Variants in MAST3 observed in about 807,000 individuals in gnomAD.
The protein encoded by MAST3 is microtubule associated serine/threonine kinase 3.
Under a neutral mutation model 127.0 loss-of-function variants are expected in MAST3, and 43 were observed. That is an observed-to-expected ratio of 0.34 (90% CI 0.27 to 0.44). The LOEUF (loss-of-function observed/expected upper bound fraction) is 0.44. MAST3 is among the 20% of genes least tolerant of loss of function. The probability of loss-of-function intolerance (pLI) is 1.00; values close to 1 mark genes in which losing one functional copy is unlikely to be tolerated. For synonymous variants in MAST3, 785 were observed against 809.2 expected (o/e 0.97, Z 0.51); for missense variants, 1,390 against 1,919.1 (o/e 0.72, Z 5.15).
intron 1 of MAST3, among the ~76,000 whole-genome samples, chr19:18,102,613 C>A (rs1169907135): frequency 3.3e-5 from 5 of 151,906 alleles, no homozygotes; most frequent in African/African-American, 2.4e-5. Context: ...TACCGAGTAG[C>A]TGGGACTACA....
At chr19:18,109,272 A>G (rs1334172638) in intron 2 of MAST3, among the ~76,000 whole-genome samples, 2 of 152,054 alleles carry the variant, frequency 1.3e-5, no homozygotes. Context: ...CCCCAATCCC[A>G]GGCCATCTGC....
At chr19:18,106,220 TG>T (rs1413149464) in intron 1 of MAST3, among the ~76,000 whole-genome samples, 1 of 152,080 alleles carries the variant, frequency 6.6e-6, no homozygotes. Context: ...CCTGAGTAGC[TG>T]GGATTGCAGG....
intron 11 of MAST3, among the ~76,000 whole-genome samples, chr19:18,125,782 T>G (rs939498348): frequency 6.6e-6 from 1 of 151,338 alleles, no homozygotes; most frequent in Non-Finnish European, 1.5e-5. Flanking sequence ...CCAGGTGCAG[T>G]GGCTCACGCC....
At chr19:18,124,615 G>C in intron 10 of MAST3, 27 bp from the exon 11 acceptor site, 1 of 1,542,082 alleles carries the variant, frequency 6.5e-7, no homozygotes, top group Middle Eastern at 1.7e-4. Flanking sequence ...ACCAAGCCCT[G>C]GGTGACCAGC....
intron 3 of MAST3, chr19:18,118,033 C>G (rs935667634): frequency 1.2e-6 from 1 of 859,698 alleles, no homozygotes. Flanking sequence ...GCTTCCTTCT[C>G]GCCGCCCCCC....
At chr19:18,135,055 A>G (rs2041748621) in intron 17 of MAST3, 73 bp downstream of exon 17, 1 of 1,500,610 alleles carries the variant, frequency 6.7e-7, no homozygotes, top group Non-Finnish European at 9.0e-7. Flanking sequence ...CTCCACCCGC[A>G]TGTCAGGGAG....
chr19:18,124,504 T>C, intron 10 of MAST3, 138 bp downstream of exon 10: 2 of 1,347,504 alleles, frequency 1.5e-6, no homozygotes, highest in Non-Finnish European at 2.0e-6. Flanking sequence ...TGGGCTAGCG[T>C]GGGCTTCCCT....
At chr19:18,130,728 T>A in intron 14 of MAST3, 26 bp downstream of exon 14, 1 of 1,604,538 alleles carries the variant, frequency 6.2e-7, no homozygotes, top group Non-Finnish European at 8.5e-7. Flanking sequence ...CTTGCATGCC[T>A]CCAGCGATGG....
At chr19:18,139,751 G>A (rs1230179946) in intron 20 of MAST3, among the ~76,000 whole-genome samples, 2 of 151,992 alleles carry the variant, frequency 1.3e-5, no homozygotes, top group East Asian at 1.9e-4. Flanking sequence ...ATGAGCCATC[G>A]CACCCGGCCT....
At chr19:18,139,661 C>T (rs967020171) in intron 20 of MAST3, among the ~76,000 whole-genome samples, 4 of 151,958 alleles carry the variant, frequency 2.6e-5, no homozygotes, top group African/African-American at 9.7e-5. Context: ...TGGTGTTTCA[C>T]CATGTTGGCC....
At chr19:18,100,012 G>T (rs1359830322) in intron 1 of MAST3, among the ~76,000 whole-genome samples, 3 of 152,090 alleles carry the variant, frequency 2.0e-5, no homozygotes, top group Non-Finnish European at 2.9e-5. Context: ...ATCAAAAAGG[G>T]CAGGAAGCCA....
At chr19:18,122,120 A>G (rs1409446766) in intron 5 of MAST3, 198 bp downstream of exon 5, 2 of 984,836 alleles carry the variant, frequency 2.0e-6, no homozygotes, top group South Asian at 4.7e-5. Flanking sequence ...CATCCCACGC[A>G]TGGACAGGTA....
At position 18,135,861 on chromosome 19, in the gene MAST3, A is replaced by G. The variant is rs745693255; in HGVS notation, c.1972+20A>G. 6.4e-7 allele frequency: 1 copy of G among 1,573,730 alleles called. No individual in the cohort carries two copies. The highest frequency in any genetic ancestry group is 1.1e-5 in the South Asian group (1 of 87,208). On this transcript the variant is annotated intron_variant, in intron 18 of 27. Transcript: ENST00000687212. ...GCACTGGTATGTAGTGTGGGGGAGAACCCAGGTGGGTGGCTCCTTCAGGCC... is the reference window on the plus strand; with the variant it reads ...GCACTGGTATGTAGTGTGGGGGAGAGCCCAGGTGGGTGGCTCCTTCAGGCC...
intron 27 of MAST3, among the ~76,000 whole-genome samples, chr19:18,148,897 TATTGAA>T (rs1298886859): frequency 3.6e-5 from 1 of 28,082 alleles, no homozygotes; most frequent in Non-Finnish European, 7.3e-5. Context: ...AGCGAGACTC[TATTGAA>T]AAAAAAAAAA....
chr19:18,103,563 CA>C (rs1310292051), intron 1 of MAST3, among the ~76,000 whole-genome samples: 1 of 152,048 alleles, frequency 6.6e-6, no homozygotes, highest in African/African-American at 2.4e-5. Flanking sequence ...ACAAAATATT[CA>C]CATCTTTTTG....
chr19:18,140,779 A>G (rs948382837), intron 20 of MAST3, among the ~76,000 whole-genome samples: 1 of 152,006 alleles, frequency 6.6e-6, no homozygotes, highest in African/African-American at 2.4e-5. Flanking sequence ...TACAGGTACC[A>G]TTTTAGTTTA....
In MAST3 at chr19:18,144,053, C is replaced by A; in HGVS notation, c.2584+46C>A. 1.3e-6 allele frequency: 2 copies of A among 1,542,772 alleles called. No individual in the cohort carries two copies. ...GAGGGATGATGTCATGGAAGTTTCC[C>A]AGAGGAGGGGCTATTTGAGATGGGT... On this transcript the variant is annotated intron_variant, in intron 22 of 27. Coordinates refer to ENST00000687212, the MANE Select transcript of MAST3 (RefSeq NM_001393504.1). This position sits in a 1 kb window ranked among gnomAD's most constrained non-coding sequence, Gnocchi z 4.0.
At chr19:18,114,902 A>T (rs1448010259) in intron 3 of MAST3, among the ~76,000 whole-genome samples, 1 of 152,098 alleles carries the variant, frequency 6.6e-6, no homozygotes, top group East Asian at 1.9e-4. Context: ...GCACAGATAT[A>T]TGGGCAGGTG....
In MAST3 at chr19:18,139,087, T is replaced by A; in HGVS notation, c.2168T>A (p.Ile723Asn). 6.2e-7 allele frequency: 1 copy of A among 1,604,282 alleles called. No individual in the cohort carries two copies. ...AATGATGAAGAATCGTCCACAGAGATCCCCCAGTTCTCCTCCTGCTCCCAC... is the reference window on the plus strand; with the variant it reads ...AATGATGAAGAATCGTCCACAGAGAACCCCCAGTTCTCCTCCTGCTCCCAC... The part of the protein sequence containing the change: ...ETNDEESSTE[I>N]PQFSSCSHRF... The change falls in exon 20 of 28, where the codon ATC (isoleucine) becomes AAC (asparagine). Residue 723 changes from isoleucine (I) to asparagine (N), a missense_variant. Ile to Asn is a moderately radical substitution (Grantham distance 149, BLOSUM62 -3). Coordinates refer to ENST00000687212, the MANE Select transcript of MAST3 (RefSeq NM_001393504.1).
Sources: gnomAD v4.1 joint callset for allele counts (sites outside exome capture counted in the v4.1 genomes callset) on GRCh38, gnomAD v4.1.1 for gene constraint, Gnocchi (gnomAD v3.1) non-coding constraint, MANE v1.5 for transcripts, NCBI Gene and HGNC (gene_info 2026-07-23, HGNC 2026-07-21) for gene names.